NR6A1: variants seen among roughly 807,000 people sequenced by gnomAD.
NR6A1 encodes nuclear receptor subfamily 6 group A member 1.
NR6A1 carries 7 observed loss-of-function variants against 59.1 expected under a neutral mutation model. That is an observed-to-expected ratio of 0.12 (90% confidence interval 0.07 to 0.22). The LOEUF (loss-of-function observed/expected upper bound fraction) is 0.22, where lower values mean the gene tolerates loss of function less well. Among genes scored for constraint, NR6A1 ranks in the 10% least tolerant of loss-of-function variants. NR6A1 has a pLI of 1.00. For synonymous variants in NR6A1, 243 were observed against 236.1 expected (o/e 1.03, Z -0.27); for missense variants, 468 against 611.6 (o/e 0.77, Z 2.48).
chr9:124,748,376 AT>A (rs1840394939), intron 1 of NR6A1, among the ~76,000 whole-genome samples: 1 of 152,190 alleles, frequency 6.6e-6, no homozygotes, highest in Non-Finnish European at 1.5e-5. Flanking sequence ...GGTTATCAAG[AT>A]TCTTAGATTT....
At chr9:124,682,370 T>A (rs1320149110) in intron 2 of NR6A1, among the ~76,000 whole-genome samples, 1 of 152,206 alleles carries the variant, frequency 6.6e-6, no homozygotes, top group East Asian at 1.9e-4. Context: ...TGCAAAATTG[T>A]CTGAACTGAC....
At chr9:124,715,208 A>G (rs1839381810) in intron 2 of NR6A1, among the ~76,000 whole-genome samples, 1 of 151,848 alleles carries the variant, frequency 6.6e-6, no homozygotes, top group African/African-American at 2.4e-5. Flanking sequence ...CTCAGAAAAA[A>G]AAAAAAAAGA....
intron 1 of NR6A1, among the ~76,000 whole-genome samples, chr9:124,767,841 T>C (rs1239495603): frequency 6.6e-6 from 1 of 152,248 alleles, no homozygotes; most frequent in Non-Finnish European, 1.5e-5. Context: ...CTTATAACCT[T>C]CCTTTGCCTT....
chr9:124,740,750 C>T (rs1280760922), intron 1 of NR6A1, among the ~76,000 whole-genome samples: 1 of 152,124 alleles, frequency 6.6e-6, no homozygotes, highest in African/African-American at 2.4e-5. Flanking sequence ...TAGACCAATC[C>T]CCTCTAGTCA....
intron 4 of NR6A1, 78 bp from the exon 5 acceptor site, chr9:124,540,265 A>ATC: frequency 7.0e-7 from 1 of 1,430,192 alleles, no homozygotes; most frequent in Non-Finnish European, 9.4e-7. Flanking sequence ...GCTTATTTAA[A>ATC]TCTCATAGGA....
chr9:124,606,025 C>T (rs933323376), intron 2 of NR6A1, among the ~76,000 whole-genome samples: 2 of 152,160 alleles, frequency 1.3e-5, no homozygotes, highest in Non-Finnish European at 2.9e-5. Flanking sequence ...AGACTCAAAA[C>T]CATGCCAGTT....
intron 2 of NR6A1, among the ~76,000 whole-genome samples, chr9:124,637,033 G>T (rs1352598447): frequency 6.6e-6 from 1 of 152,134 alleles, no homozygotes; most frequent in Non-Finnish European, 1.5e-5. Flanking sequence ...TTAGAGAAAA[G>T]CATCAACAAG....
At chr9:124,576,866 G>C (rs909849204) in intron 2 of NR6A1, among the ~76,000 whole-genome samples, 3 of 152,108 alleles carry the variant, frequency 2.0e-5, no homozygotes, top group African/African-American at 4.8e-5. Flanking sequence ...AGACCAGCTT[G>C]GGCAACATAG....
chr9:124,735,185 C>T (rs1326473921), intron 1 of NR6A1, among the ~76,000 whole-genome samples: 1 of 152,146 alleles, frequency 6.6e-6, no homozygotes, highest in African/African-American at 2.4e-5. Flanking sequence ...TCTGACCACA[C>T]CAAACATGCC....
chr9:124,721,209 T>G (rs1255607989), intron 2 of NR6A1, among the ~76,000 whole-genome samples: 1 of 152,208 alleles, frequency 6.6e-6, no homozygotes, highest in Non-Finnish European at 1.5e-5. Context: ...CAACCGCCTT[T>G]GAATGCAACT....
intron 2 of NR6A1, among the ~76,000 whole-genome samples, chr9:124,571,548 C>T (rs182244793): frequency 1.7e-3 from 255 of 152,244 alleles, no homozygotes; most frequent in African/African-American, 5.3e-3. Flanking sequence ...CCACTGCTGA[C>T]GGGACTGGAA....
chr9:124,522,937 A>G, intron 9 of NR6A1, 144 bp from the exon 10 acceptor site: 2 of 627,694 alleles, frequency 3.2e-6, no homozygotes, highest in Non-Finnish European at 5.7e-6. Context: ...CAAAGGTTGG[A>G]CACACTGGGC....
intron 2 of NR6A1, among the ~76,000 whole-genome samples, chr9:124,672,824 T>C (rs183586465): frequency 5.9e-5 from 9 of 152,220 alleles, no homozygotes; most frequent in Admixed American, 1.3e-4. Flanking sequence ...GCTGAGTACC[T>C]TGGGCTAGAT....
chr9:124,580,935 C>T (rs1001712002), intron 2 of NR6A1, among the ~76,000 whole-genome samples: 1 of 152,104 alleles, frequency 6.6e-6, no homozygotes, highest in Non-Finnish European at 1.5e-5. Flanking sequence ...GGTATGAGAA[C>T]AGACACACAG....
intron 2 of NR6A1, among the ~76,000 whole-genome samples, chr9:124,601,380 C>G (rs1396693920): frequency 6.6e-6 from 1 of 151,400 alleles, no homozygotes; most frequent in Non-Finnish European, 1.5e-5. Flanking sequence ...GTCAGGAGAT[C>G]GAGACCATCC....
chr9:124,621,458 G>T (rs901980796), intron 2 of NR6A1, among the ~76,000 whole-genome samples: 1 of 149,432 alleles, frequency 6.7e-6, no homozygotes, highest in Non-Finnish European at 1.5e-5. Context: ...ACTAGCCTAG[G>T]AAACACAGTG....
chr9:124,619,327 A>G (rs898659572), intron 2 of NR6A1, among the ~76,000 whole-genome samples: 4 of 152,088 alleles, frequency 2.6e-5, no homozygotes, highest in African/African-American at 9.7e-5. Context: ...GCAGTGGCGC[A>G]ATCTTGGCTC....
chr9:124,615,923 G>A (rs1354631593), intron 2 of NR6A1, among the ~76,000 whole-genome samples: 1 of 152,018 alleles, frequency 6.6e-6, no homozygotes, highest in East Asian at 2.0e-4. Flanking sequence ...CAACCTCCAT[G>A]ACCATGTTGG....
intron 2 of NR6A1, among the ~76,000 whole-genome samples, chr9:124,624,396 C>T (rs545625729): frequency 2.6e-5 from 4 of 152,192 alleles, no homozygotes; most frequent in East Asian, 1.9e-4. Context: ...GGTCAATTTT[C>T]GAATACTAAG....
Sources: gnomAD v4.1 joint callset for allele counts (sites outside exome capture counted in the v4.1 genomes callset) on GRCh38, gnomAD v4.1.1 for gene constraint, MANE v1.5 for transcripts, NCBI Gene and HGNC (gene_info 2026-07-23, HGNC 2026-07-21) for gene names.